The following TNR variants were observed in gnomAD, a reference collection of about 807,000 sequenced individuals.
TNR encodes the protein tenascin-R.
Under a neutral mutation model 150.4 loss-of-function variants are expected in TNR, and 45 were observed. The ratio of observed to expected loss-of-function variants is 0.30; its 90% CI spans 0.24 to 0.38. The LOEUF (loss-of-function observed/expected upper bound fraction) is 0.38, where lower values mean the gene tolerates loss of function less well. Among genes scored for constraint, TNR ranks in the 10% least tolerant of loss-of-function variants. The pLI, the probability that TNR is intolerant of heterozygous loss-of-function variation, is 1.00. For synonymous variants in TNR, 687 were observed against 678.4 expected, an observed-to-expected ratio of 1.01 and a Z score of -0.20; for missense variants, 1,544 against 1,759.1, an observed-to-expected ratio of 0.88 and a Z score of 2.19.
chr1:175,652,534 C>A lies in TNR; in HGVS notation c.-165+90692G>T, dbSNP rs150872144. 1.5e-3 allele frequency among the ~76,000 whole-genome samples: 224 copies of A among 152,224 alleles called. 3 individuals carry two copies. Among genetic ancestry groups the A allele is most frequent in the African/African-American group, 5.2e-3 (215 of 41,524 alleles). On this transcript the variant is annotated intron_variant, in intron 1 of 22. Transcript: ENST00000367674. ...TTTCATGTTAAATTGGCAGAGGGGC[C>A]TGGTGGGAGGTGACCAGATCATGAG...
At chr1:175,506,362 C>G (rs546379702) in intron 2 of TNR, among the ~76,000 whole-genome samples, 1 of 152,222 alleles carries the variant, frequency 6.6e-6, no homozygotes, top group African/African-American at 2.4e-5. Context: ...ACATTCTAAA[C>G]ACTTATGTTA....
At chr1:175,607,406 G>C (rs1385869928) in intron 1 of TNR, among the ~76,000 whole-genome samples, 1 of 152,208 alleles carries the variant, frequency 6.6e-6, no homozygotes. Context: ...CAGCATCCAT[G>C]GAGGTCTAAT....
At chr1:175,590,599 G>A (rs1008505326) in intron 1 of TNR, among the ~76,000 whole-genome samples, 2 of 152,210 alleles carry the variant, frequency 1.3e-5, no homozygotes, top group Non-Finnish European at 2.9e-5. Context: ...ATAGAACTAT[G>A]TGCAAGGACA....
intron 2 of TNR, among the ~76,000 whole-genome samples, chr1:175,439,239 A>T (rs1655667952): frequency 6.6e-6 from 1 of 151,992 alleles, no homozygotes; most frequent in African/African-American, 2.4e-5. Flanking sequence ...CAACTATCTG[A>T]TCTTTGACAA....
At chr1:175,566,962 G>C (rs1661668338) in intron 1 of TNR, among the ~76,000 whole-genome samples, 1 of 152,170 alleles carries the variant, frequency 6.6e-6, no homozygotes, top group Admixed American at 6.5e-5. Context: ...GGCACATCTT[G>C]TGTGCCATTA....
chr1:175,567,020 T>G (rs1204123214), intron 1 of TNR, among the ~76,000 whole-genome samples: 1 of 152,182 alleles, frequency 6.6e-6, no homozygotes, highest in Non-Finnish European at 1.5e-5. Context: ...ACTCATGTTT[T>G]TATTTTCTGC....
At chr1:175,547,564 G>GGAAAGAAAGAGA (rs1323497183) in intron 1 of TNR, among the ~76,000 whole-genome samples, 3 of 130,994 alleles carry the variant, frequency 2.3e-5, no homozygotes, top group African/African-American at 9.2e-5. Flanking sequence ...AAAGATAGAA[G>GGAAAGAAAGAGA]GAAAGAAAGA....
chr1:175,720,513 A>G (rs1028551288), intron 1 of TNR, among the ~76,000 whole-genome samples: 6 of 152,242 alleles, frequency 3.9e-5, no homozygotes, highest in African/African-American at 1.4e-4. Flanking sequence ...CTGCCCCAAG[A>G]CGGGAACTGT....
chr1:175,432,661 T>G (rs1333204392), intron 2 of TNR, among the ~76,000 whole-genome samples: 1 of 152,066 alleles, frequency 6.6e-6, no homozygotes, highest in Non-Finnish European at 1.5e-5. Flanking sequence ...TTGCTCCTCT[T>G]GCTGAGTATT....
intron 1 of TNR, among the ~76,000 whole-genome samples, chr1:175,637,350 G>T (rs1262956666): frequency 1.3e-5 from 2 of 152,100 alleles, no homozygotes; most frequent in Non-Finnish European, 2.9e-5. Flanking sequence ...GAGATAACAT[G>T]GATAATTAAA....
At chr1:175,382,396 G>A (rs896259201) in intron 8 of TNR, among the ~76,000 whole-genome samples, 1 of 152,222 alleles carries the variant, frequency 6.6e-6, no homozygotes, top group East Asian at 1.9e-4. Context: ...TCTTGTATGA[G>A]CAGGAAGTCC....
chr1:175,378,444 A>G (rs1652514745), intron 9 of TNR, among the ~76,000 whole-genome samples: 2 of 152,224 alleles, frequency 1.3e-5, no homozygotes, highest in Admixed American at 1.3e-4. Context: ...CATGCCACAC[A>G]TGTAAAATGA....
intron 20 of TNR, chr1:175,333,212 T>C (rs572785514): frequency 6.6e-6 from 1 of 152,368 alleles, no homozygotes; most frequent in Non-Finnish European, 1.5e-5. Context: ...TTATGGCACA[T>C]GATAACTAGC....
intron 2 of TNR, among the ~76,000 whole-genome samples, chr1:175,446,913 C>T (rs1263335070): frequency 6.6e-6 from 1 of 151,934 alleles, no homozygotes; most frequent in Admixed American, 6.6e-5. Context: ...AATGGGCATG[C>T]ATGTATGTGT....
chr1:175,600,801 C>T (rs185130053), intron 1 of TNR, among the ~76,000 whole-genome samples: 13 of 152,202 alleles, frequency 8.5e-5, no homozygotes, highest in East Asian at 3.9e-4. Context: ...CACAGCAAAA[C>T]GAAAACAATG....
At position 175,396,702 on chromosome 1, in the gene TNR, G is replaced by A. The variant is rs765777878; in HGVS notation, c.1082C>T (p.Pro361Leu). Residue 361 changes from proline (P) to leucine (L), a missense_variant, in exon 5 of 23, where the codon CCG becomes CTG. This residue lies in a region of TNR where 1,254 missense variants were observed against 1,329.4 expected (regional missense o/e 0.94). Coordinates refer to ENST00000367674, the MANE Select transcript of TNR (RefSeq NM_003285.3). ...GAGCTGGAGGCCCCCCAGGGCCGTC[G>A]GCTGGTAAGAGATCACATATTCCGT... is the stretch of plus-strand genomic sequence containing the variant. ...AVTEYVISYQ[P>L]TALGGLQLQQ... 5.0e-6 allele frequency: 8 copies of A among 1,614,164 alleles called. No homozygotes were observed. The highest frequency in any genetic ancestry group is 2.2e-5 in the South Asian group (2 of 91,082).
intron 2 of TNR, among the ~76,000 whole-genome samples, chr1:175,507,118 G>A (rs1335210412): frequency 2.6e-5 from 4 of 152,146 alleles, no homozygotes; most frequent in African/African-American, 4.8e-5. Context: ...CCAGTGCTCC[G>A]TGGATAAGGA....
At chr1:175,689,896 C>T (rs1335978440) in intron 1 of TNR, among the ~76,000 whole-genome samples, 1 of 152,120 alleles carries the variant, frequency 6.6e-6, no homozygotes, top group Non-Finnish European at 1.5e-5. Flanking sequence ...CCCAGAGGCT[C>T]AATACTAATA....
chr1:175,717,249 A>G (rs957608810), intron 1 of TNR, among the ~76,000 whole-genome samples: 17 of 152,170 alleles, frequency 1.1e-4, no homozygotes, highest in African/African-American at 3.9e-4. Flanking sequence ...CAAAATGGGA[A>G]GCATGATTCT....
Sources: gnomAD v4.1 joint callset for allele counts (sites outside exome capture counted in the v4.1 genomes callset) on GRCh38, gnomAD v4.1.1 for gene constraint, gnomAD v4.1.1 regional missense constraint, MANE v1.5 for transcripts, NCBI Gene and HGNC (gene_info 2026-07-23, HGNC 2026-07-21) for gene names.